The following CARMIL1 variants were observed in gnomAD, a reference collection of about 807,000 sequenced individuals.
CARMIL1 encodes the protein capping protein regulator and myosin 1 linker 1, also known as F-actin-uncapping protein LRRC16A.
A neutral mutation model predicts 177.1 loss-of-function variants in CARMIL1; 90 were observed. The observed-to-expected ratio is 0.51, with a 90% CI of 0.43 to 0.61. The LOEUF is 0.61. Ranked by LOEUF, CARMIL1 falls within the 20% of genes least tolerant of loss-of-function variation. CARMIL1 has a pLI of 0.00. For synonymous variants in CARMIL1, 577 were observed against 606.2 expected (o/e 0.95, Z 0.71); for missense variants, 1,380 against 1,667.0 (o/e 0.83, Z 3.00).
chr6:25,355,724 T>G (rs116813881), intron 2 of CARMIL1, among the ~76,000 whole-genome samples: 7 of 152,262 alleles, frequency 4.6e-5, no homozygotes, highest in African/African-American at 1.7e-4. Context: ...TCAGAATAAA[T>G]GCCTGAGAGC....
intron 2 of CARMIL1, among the ~76,000 whole-genome samples, chr6:25,377,459 G>A (rs1374333445): frequency 6.6e-6 from 1 of 152,148 alleles, no homozygotes; most frequent in Non-Finnish European, 1.5e-5. Context: ...TACTGTGAAT[G>A]CAACTCTTAT....
At chr6:25,412,224 GTATTAA>G (rs1794963958) in intron 2 of CARMIL1, among the ~76,000 whole-genome samples, 1 of 152,218 alleles carries the variant, frequency 6.6e-6, no homozygotes, top group Non-Finnish European at 1.5e-5. Flanking sequence ...CACTTTAGGT[GTATTAA>G]CTCATTTAAC....
chr6:25,465,533 G>A, intron 8 of CARMIL1: 1 of 186,816 alleles, frequency 5.4e-6, no homozygotes, highest in Admixed American at 5.5e-5. Flanking sequence ...AAAAAAAAAA[G>A]ATTTTATGAA....
chr6:25,408,146 C>T (rs1188198358), intron 2 of CARMIL1, among the ~76,000 whole-genome samples: 1 of 151,840 alleles, frequency 6.6e-6, no homozygotes, highest in African/African-American at 2.4e-5. Context: ...TAAAAATTAC[C>T]TGGGTGTGGT....
intron 29 of CARMIL1, among the ~76,000 whole-genome samples, chr6:25,569,500 C>T (rs1811871441): frequency 1.3e-5 from 2 of 152,178 alleles, no homozygotes. Flanking sequence ...GATCCTAAGT[C>T]ACCAGGCCCC....
chr6:25,283,024 AGGAGG>A (rs1453786254), intron 1 of CARMIL1, among the ~76,000 whole-genome samples: 1 of 152,214 alleles, frequency 6.6e-6, no homozygotes, highest in Non-Finnish European at 1.5e-5. Context: ...GGGAGCATAG[AGGAGG>A]GGACTGTATT....
At chr6:25,510,463 A>T in intron 18 of CARMIL1, 44 bp from the exon 19 acceptor site, 1 of 1,162,336 alleles carries the variant, frequency 8.6e-7, no homozygotes, top group Non-Finnish European at 1.2e-6. Flanking sequence ...AAATTAATTT[A>T]TACACATGTG....
chr6:25,540,554 A>G (rs538974889), intron 26 of CARMIL1, among the ~76,000 whole-genome samples: 66 of 152,332 alleles, frequency 4.3e-4, no homozygotes, highest in African/African-American at 1.5e-3. Context: ...CCAAGGTTGC[A>G]GAGACCTGCC....
chr6:25,435,895 A>G lies in CARMIL1; in HGVS notation c.371+291A>G, dbSNP rs960612627. Among the ~76,000 whole-genome samples the G allele has an allele frequency of 2.6e-5, 4 of 152,162 alleles. No homozygotes were observed. The South Asian group carries it at 6.2e-4, about 24-fold the overall frequency. On this transcript the variant is annotated intron_variant, in intron 5 of 36. Transcript: ENST00000329474. Reference sequence around the variant, plus strand: ...CTTTTTAATATAACTCCAGATTTACAGGAGTGTGAATATTACTCACAGCTT... The same window carrying G: ...CTTTTTAATATAACTCCAGATTTACGGGAGTGTGAATATTACTCACAGCTT...
At chr6:25,449,876 G>T (rs10214744) in intron 5 of CARMIL1, 22 bp from the exon 6 acceptor site, 15,548 of 1,430,852 alleles carry the variant, frequency 0.011, 410 homozygotes, top group African/African-American at 0.098. Context: ...TGTGAAATGT[G>T]TTGTTGTTGT....
chr6:25,362,005 A>C (rs911194259), intron 2 of CARMIL1, among the ~76,000 whole-genome samples: 2 of 152,198 alleles, frequency 1.3e-5, no homozygotes, highest in African/African-American at 4.8e-5. Context: ...GAAAGAAAAA[A>C]TTTTAAAAAA....
At chr6:25,301,667 T>G (rs1782869994) in intron 2 of CARMIL1, among the ~76,000 whole-genome samples, 1 of 152,182 alleles carries the variant, frequency 6.6e-6, no homozygotes, top group Non-Finnish European at 1.5e-5. Context: ...AAGCAGTGAC[T>G]CTCAGCCTGG....
chr6:25,598,884 GTTGAGCT>G (rs1815111864), intron 32 of CARMIL1, among the ~76,000 whole-genome samples: 1 of 152,110 alleles, frequency 6.6e-6, no homozygotes, highest in Non-Finnish European at 1.5e-5. Flanking sequence ...GGTCCTTTCT[GTTGAGCT>G]TTGGAAACTT....
At chr6:25,346,243 A>T (rs1787503169) in intron 2 of CARMIL1, among the ~76,000 whole-genome samples, 3 of 151,902 alleles carry the variant, frequency 2.0e-5, no homozygotes, top group Admixed American at 6.6e-5. Context: ...TTCATCTCCC[A>T]CTTCCCGCCC....
chr6:25,591,896 T>C (rs1814334766), intron 31 of CARMIL1, among the ~76,000 whole-genome samples: 1 of 152,244 alleles, frequency 6.6e-6, no homozygotes. Flanking sequence ...CAAACTGTTT[T>C]GTTCAGCTCT....
intron 2 of CARMIL1, among the ~76,000 whole-genome samples, chr6:25,293,110 T>A (rs1463456943): frequency 6.6e-6 from 1 of 152,090 alleles, no homozygotes; most frequent in Non-Finnish European, 1.5e-5. Flanking sequence ...CTTTTTTTTT[T>A]TAATAGAATA....
chr6:25,445,294 A>G (rs1353572059), intron 5 of CARMIL1, among the ~76,000 whole-genome samples: 1 of 152,176 alleles, frequency 6.6e-6, no homozygotes, highest in Non-Finnish European at 1.5e-5. Context: ...TGTTTTCACC[A>G]TATCTGCAGT....
chr6:25,514,529 G>T (rs558421545), intron 20 of CARMIL1, among the ~76,000 whole-genome samples: 1 of 139,820 alleles, frequency 7.2e-6, no homozygotes, highest in Non-Finnish European at 1.5e-5. Flanking sequence ...CAGCTTGGGG[G>T]GACAGAGCGA....
At chr6:25,581,529 A>G in intron 31 of CARMIL1, 90 bp downstream of exon 31, 1 of 1,197,224 alleles carries the variant, frequency 8.4e-7, no homozygotes, top group Non-Finnish European at 1.2e-6. Flanking sequence ...GCTTTGCACA[A>G]ACATGAAAGC....
Sources: gnomAD v4.1 joint callset for allele counts (sites outside exome capture counted in the v4.1 genomes callset) on GRCh38, gnomAD v4.1.1 for gene constraint, MANE v1.5 for transcripts, NCBI Gene and HGNC (gene_info 2026-07-23, HGNC 2026-07-21) for gene names.